CADPS2: variants seen among roughly 807,000 people sequenced by gnomAD.
CADPS2 encodes calcium-dependent secretion activator 2.
A neutral mutation model predicts 172.5 loss-of-function variants in CADPS2; 93 were observed. That is an observed-to-expected ratio of 0.54 (90% confidence interval 0.46 to 0.64). CADPS2 has a LOEUF of 0.64. CADPS2 is among the 30% of genes least tolerant of loss of function. The pLI is 0.00. For missense variants in CADPS2, 1,420 were observed against 1,565.9 expected, an observed-to-expected ratio of 0.91 and a Z score of 1.57; for synonymous variants, 546 against 555.2, an observed-to-expected ratio of 0.98 and a Z score of 0.23.
chr7:122,663,201 C>A, intron 3 of CADPS2, 36 bp downstream of exon 3: 1 of 1,424,324 alleles, frequency 7.0e-7, no homozygotes, highest in Non-Finnish European at 9.7e-7. Context: ...TTCCACGAGT[C>A]AGACAGGGGA....
intron 6 of CADPS2, among the ~76,000 whole-genome samples, chr7:122,584,643 G>A (rs2069368326): frequency 6.6e-6 from 1 of 151,690 alleles, no homozygotes; most frequent in African/African-American, 2.4e-5. Flanking sequence ...TGAATGCATG[G>A]TCATTAATTT....
chr7:122,844,652 T>G (rs1811477125), intron 1 of CADPS2, among the ~76,000 whole-genome samples: 1 of 152,214 alleles, frequency 6.6e-6, no homozygotes, highest in Admixed American at 6.5e-5. Context: ...ACATCTATAG[T>G]AATGTATCCT....
intron 2 of CADPS2, among the ~76,000 whole-genome samples, chr7:122,697,055 T>C (rs2085223193): frequency 6.6e-6 from 1 of 152,148 alleles, no homozygotes; most frequent in South Asian, 2.1e-4. Flanking sequence ...ACATGGGAAG[T>C]AAATTTGCCA....
intron 9 of CADPS2, among the ~76,000 whole-genome samples, chr7:122,500,419 AAACT>A (rs2059101373): frequency 6.6e-6 from 1 of 152,218 alleles, no homozygotes; most frequent in Admixed American, 6.5e-5. Flanking sequence ...TCTTAAAAAA[AAACT>A]AACAGTTTAA....
chr7:122,526,287 G>A (rs2061229316), intron 8 of CADPS2, among the ~76,000 whole-genome samples: 1 of 152,000 alleles, frequency 6.6e-6, no homozygotes, highest in Non-Finnish European at 1.5e-5. Context: ...CACCTCCCGG[G>A]TTCAAGTAAT....
At chr7:122,447,191 GAC>G (rs1488323261) in intron 15 of CADPS2, among the ~76,000 whole-genome samples, 4 of 151,890 alleles carry the variant, frequency 2.6e-5, no homozygotes, top group Admixed American at 6.6e-5. Context: ...AGACAACTGA[GAC>G]ACAGTATTTT....
intron 19 of CADPS2, chr7:122,413,167 C>T (rs2047509950): frequency 6.6e-6 from 1 of 152,184 alleles, no homozygotes; most frequent in Non-Finnish European, 1.5e-5. Flanking sequence ...GGGACTATGG[C>T]TTTTTCAGCA....
At chr7:122,727,349 C>A (rs769260705) in intron 2 of CADPS2, among the ~76,000 whole-genome samples, 7 of 151,790 alleles carry the variant, frequency 4.6e-5, no homozygotes, top group Non-Finnish European at 8.8e-5. Context: ...ATTGCATGTG[C>A]TTCTTTCTGT....
Position 122,821,221 on chromosome 7 carries a change from T to C in CADPS2, c.339+64778A>G, listed in dbSNP as rs1047308221. 6.6e-5 allele frequency among the ~76,000 whole-genome samples: 10 copies of C among 152,208 alleles called. No individual in the cohort carries two copies. In the East Asian group the frequency reaches 9.7e-4, roughly 15 times the overall value. ...TCTTTCCTGTTCCTCACCCTGATCA[T>C]GCTTGATTTATTGATGGCGGTTCCA... On this transcript the variant is annotated intron_variant, in intron 1 of 29. Coordinates refer to ENST00000449022, the MANE Select transcript of CADPS2 (RefSeq NM_017954.11).
intron 1 of CADPS2, among the ~76,000 whole-genome samples, chr7:122,764,146 A>G (rs1383815466): frequency 2.6e-5 from 4 of 152,010 alleles, no homozygotes; most frequent in African/African-American, 9.7e-5. Context: ...GCTTCTACAC[A>G]GCTTCTTCTG....
intron 9 of CADPS2, among the ~76,000 whole-genome samples, chr7:122,499,772 C>G (rs2059043922): frequency 6.6e-6 from 1 of 152,098 alleles, no homozygotes; most frequent in Non-Finnish European, 1.5e-5. Context: ...TTATTCAACA[C>G]CAGGGGACCT....
chr7:122,559,478 T>C (rs764135334), intron 7 of CADPS2, among the ~76,000 whole-genome samples: 1 of 151,998 alleles, frequency 6.6e-6, no homozygotes, highest in East Asian at 1.9e-4. Flanking sequence ...TCTTAAAAGA[T>C]AAGAAGAGAG....
rs77911738 is a variant in CADPS2, at chr7:122,658,743, C to T, written c.786+4494G>A. On this transcript the variant is annotated intron_variant, in intron 3 of 29. Coordinates refer to ENST00000449022, the MANE Select transcript of CADPS2 (RefSeq NM_017954.11). The stretch of plus-strand genomic sequence containing the variant: ...CACACTGGGCCCTTTGTGGTGTGGA[C>T]GAGTGGGGAGGGGATAGCATTAGGA... 8.3e-4 allele frequency among the ~76,000 whole-genome samples: 126 copies of T among 151,870 alleles called. 2 individuals carry two copies. In the East Asian group the frequency reaches 0.023, roughly 27 times the overall value.
At chr7:122,416,306 A>T in intron 17 of CADPS2, 142 bp from the exon 18 acceptor site, 1 of 473,066 alleles carries the variant, frequency 2.1e-6, no homozygotes, top group Non-Finnish European at 3.8e-6. Flanking sequence ...CAAAAAAAAA[A>T]AAACAGTTCA....
Position 122,721,665 on chromosome 7 carries a change from G to C in CADPS2, c.453+15290C>G, listed in dbSNP as rs149697703. On this transcript the variant is annotated intron_variant, in intron 2 of 29. Coordinates refer to ENST00000449022, the MANE Select transcript of CADPS2 (RefSeq NM_017954.11). ...AACTATTCCAATCAACAGAAAAAGA[G>C]GGAATCCTCCCTAACTCATTTTATG... Among the ~76,000 whole-genome samples, 76 of 152,178 alleles carry C rather than the reference G, an allele frequency of 5.0e-4. 1 individual carries two copies. In the East Asian group the frequency reaches 0.014, roughly 27 times the overall value.
At chr7:122,604,179 T>G (rs1005053237) in intron 6 of CADPS2, among the ~76,000 whole-genome samples, 1 of 152,118 alleles carries the variant, frequency 6.6e-6, no homozygotes, top group East Asian at 1.9e-4. Context: ...TTTCAAAACA[T>G]GAACTTATTT....
intron 8 of CADPS2, among the ~76,000 whole-genome samples, chr7:122,554,258 G>T (rs1381238534): frequency 6.6e-6 from 1 of 152,090 alleles, no homozygotes; most frequent in East Asian, 1.9e-4. Context: ...TTCTTAGAAG[G>T]TATCAGTGCC....
At chr7:122,743,501 G>T (rs537658180) in intron 1 of CADPS2, among the ~76,000 whole-genome samples, 12 of 152,076 alleles carry the variant, frequency 7.9e-5, no homozygotes, top group Non-Finnish European at 1.5e-4. Flanking sequence ...TACTTACAGT[G>T]GAAGCTGTGT....
chr7:122,370,874 G>T (rs1170076958), intron 25 of CADPS2, among the ~76,000 whole-genome samples: 6 of 152,164 alleles, frequency 3.9e-5, no homozygotes, highest in Admixed American at 1.3e-4. Flanking sequence ...CAATTATACT[G>T]TGAAGGGACT....
Sources: allele counts gnomAD v4.1 joint callset (sites outside exome capture counted in the v4.1 genomes callset), GRCh38; gene constraint gnomAD v4.1.1; transcripts MANE v1.5; gene names NCBI Gene and HGNC (gene_info 2026-07-23, HGNC 2026-07-21).